PTPRG: variants seen among roughly 807,000 people sequenced by gnomAD.
PTPRG encodes the protein protein tyrosine phosphatase receptor type G.
A neutral mutation model predicts 165.3 loss-of-function variants in PTPRG; 102 were observed. The observed-to-expected ratio is 0.62, with a 90% CI of 0.53 to 0.73. PTPRG has a LOEUF of 0.73. Ranked by LOEUF, PTPRG falls within the 30% of genes least tolerant of loss-of-function variation. The pLI is 0.00. For missense variants in PTPRG, 1,866 were observed against 1,861.4 expected (o/e 1.00, Z -0.05); for synonymous variants, 675 against 669.5 (o/e 1.01, Z -0.13).
intron 2 of PTPRG, among the ~76,000 whole-genome samples, chr3:61,950,218 C>G (rs2107622119): frequency 6.6e-6 from 1 of 152,222 alleles, no homozygotes; most frequent in Non-Finnish European, 1.5e-5. Context: ...TTTTGTCTTT[C>G]CTCACATTCT....
intron 2 of PTPRG, among the ~76,000 whole-genome samples, chr3:61,792,680 C>A (rs1201033598): frequency 2.7e-3 from 1 of 366 alleles, no homozygotes; most frequent in Non-Finnish European, 5.7e-3. Context: ...TTCTTTCTTT[C>A]TTTCTTTCTT....
chr3:62,100,623 G>A (rs531206036), intron 5 of PTPRG, among the ~76,000 whole-genome samples: 22 of 152,222 alleles, frequency 1.4e-4, no homozygotes, highest in Non-Finnish European at 2.5e-4. Flanking sequence ...AAAACAAGAA[G>A]CACACAGGAA....
chr3:62,180,663 T>C (rs997713738), intron 8 of PTPRG, among the ~76,000 whole-genome samples: 1 of 152,210 alleles, frequency 6.6e-6, no homozygotes. Context: ...GCAGCTGTTA[T>C]CAAGTGAGGC....
chr3:61,763,571 A>G (rs10222485), intron 2 of PTPRG, among the ~76,000 whole-genome samples: 149,554 of 149,578 alleles, frequency 1, 74,765 homozygotes, highest in Middle Eastern at 1. Context: ...GGGTTTCACC[A>G]TGTTGGCCAG....
intron 1 of PTPRG, among the ~76,000 whole-genome samples, chr3:61,716,111 G>A (rs991312230): frequency 4.6e-5 from 7 of 152,094 alleles, no homozygotes; most frequent in African/African-American, 1.4e-4. Flanking sequence ...CACTGCCACC[G>A]CCACGCCCCT....
intron 2 of PTPRG, among the ~76,000 whole-genome samples, chr3:61,928,581 T>G (rs1472427659): frequency 6.6e-6 from 1 of 152,198 alleles, no homozygotes; most frequent in Non-Finnish European, 1.5e-5. Context: ...TATGAGCATT[T>G]AAATTATAGG....
intron 12 of PTPRG, among the ~76,000 whole-genome samples, chr3:62,215,184 G>C (rs1424278096): frequency 1.3e-5 from 2 of 152,214 alleles, no homozygotes; most frequent in Non-Finnish European, 2.9e-5. Flanking sequence ...AGGGCTATGA[G>C]GAGCTACTTA....
chr3:61,649,785 T>G (rs1237475276), intron 1 of PTPRG, among the ~76,000 whole-genome samples: 4 of 152,224 alleles, frequency 2.6e-5, no homozygotes, highest in Non-Finnish European at 5.9e-5. Context: ...ATGCACAGAC[T>G]GACACTTAAA....
intron 2 of PTPRG, among the ~76,000 whole-genome samples, chr3:61,916,913 C>G (rs765929497): frequency 2.0e-5 from 3 of 152,204 alleles, no homozygotes; most frequent in Admixed American, 6.5e-5. Context: ...AACATTATAA[C>G]ATTCTGAAAA....
At chr3:62,282,535 T>G (rs1169950247) in intron 27 of PTPRG, among the ~76,000 whole-genome samples, 192 bp from the exon 28 acceptor site, 2 of 150,038 alleles carry the variant, frequency 1.3e-5, no homozygotes, top group African/African-American at 4.9e-5. Flanking sequence ...AGCCATGCTT[T>G]TTTTAAAAAA....
chr3:61,946,067 C>T (rs776921236), intron 2 of PTPRG, among the ~76,000 whole-genome samples: 47 of 152,108 alleles, frequency 3.1e-4, no homozygotes, highest in Non-Finnish European at 6.0e-4. Context: ...TAGTAATTGA[C>T]TTATTGATAC....
chr3:61,697,340 C>T (rs956731805), intron 1 of PTPRG, among the ~76,000 whole-genome samples: 50 of 152,112 alleles, frequency 3.3e-4, no homozygotes, highest in African/African-American at 1.2e-3. Context: ...CACAACTGCC[C>T]CAGAAGCAAG....
chr3:62,072,934 A>G (rs1380316639), intron 4 of PTPRG, among the ~76,000 whole-genome samples: 2 of 152,176 alleles, frequency 1.3e-5, no homozygotes, highest in African/African-American at 2.4e-5. Context: ...AAAATGTAGG[A>G]TGAGCCCAAA....
chr3:61,830,234 C>T (rs986337163), intron 2 of PTPRG, among the ~76,000 whole-genome samples: 4 of 152,116 alleles, frequency 2.6e-5, no homozygotes, highest in African/African-American at 9.7e-5. Flanking sequence ...TCAGAATTGC[C>T]GTATTTTTGG....
intron 12 of PTPRG, among the ~76,000 whole-genome samples, chr3:62,205,386 C>G (rs1162762173): frequency 6.6e-6 from 1 of 152,180 alleles, no homozygotes; most frequent in Non-Finnish European, 1.5e-5. Flanking sequence ...ATAAGAGGCA[C>G]CAGGCTAGGC....
In PTPRG at chr3:62,085,025, G is replaced by A. The variant is rs551482005; in HGVS notation, c.615+6767G>A. ...TAAAAAATAGGCATTAGGGGGTAGA[G>A]CCTGAGACTACTAGAGTATAAACTC... On this transcript the variant is annotated intron_variant, in intron 5 of 29. Coordinates refer to ENST00000474889, the MANE Select transcript of PTPRG (RefSeq NM_002841.4). Among the ~76,000 whole-genome samples the A allele has an allele frequency of 9.2e-5, 14 of 152,286 alleles. No individual in the cohort carries two copies. The East Asian group carries it at 2.1e-3, about 23-fold the overall frequency.
At chr3:61,641,733 T>G (rs1284975986) in intron 1 of PTPRG, among the ~76,000 whole-genome samples, 2 of 152,190 alleles carry the variant, frequency 1.3e-5, no homozygotes, top group Non-Finnish European at 2.9e-5. Flanking sequence ...AAAATCAATT[T>G]CTGTGGTTGA....
intron 7 of PTPRG, among the ~76,000 whole-genome samples, chr3:62,166,080 T>C (rs990408751): frequency 1.3e-5 from 2 of 152,064 alleles, no homozygotes; most frequent in East Asian, 3.9e-4. Context: ...CAGAAAGCAC[T>C]CTTATTTGGC....
intron 2 of PTPRG, among the ~76,000 whole-genome samples, chr3:61,958,913 C>T (rs911426879): frequency 1.3e-5 from 2 of 152,162 alleles, no homozygotes; most frequent in African/African-American, 4.8e-5. Flanking sequence ...ACAAGGATGT[C>T]TCTCACACTC....
Sources: gnomAD v4.1 joint callset for allele counts (sites outside exome capture counted in the v4.1 genomes callset) on GRCh38, gnomAD v4.1.1 for gene constraint, MANE v1.5 for transcripts, NCBI Gene and HGNC (gene_info 2026-07-23, HGNC 2026-07-21) for gene names.